Variants in SHISA9 observed in about 807,000 individuals in gnomAD.
The protein encoded by SHISA9 is shisa family member 9, also known as protein shisa-9.
Under a neutral mutation model 38.0 loss-of-function variants are expected in SHISA9, and 13 were observed. That is an observed-to-expected ratio of 0.34 (90% CI 0.22 to 0.54). SHISA9 has a LOEUF of 0.54. Among genes scored for constraint, SHISA9 ranks in the 20% least tolerant of loss-of-function variants. The pLI, the probability that SHISA9 is intolerant of heterozygous loss-of-function variation, is 0.91. For missense variants in SHISA9, 538 were observed against 575.8 expected, an observed-to-expected ratio of 0.93 and a Z score of 0.67; for synonymous variants, 275 against 242.0, an observed-to-expected ratio of 1.14 and a Z score of -1.27.
chr16:13,260,033 T>TTTTTTTTC, the SHISA9 span, among the ~76,000 whole-genome samples: 1 of 136,654 alleles, frequency 7.3e-6, no homozygotes, highest in African/African-American at 2.9e-5. Flanking sequence ...TTTTTTTTTT[T>TTTTTTTTC]TGAGACAGGG....
chr16:13,300,916 C>T, the SHISA9 span, among the ~76,000 whole-genome samples: 42,425 of 150,022 alleles, frequency 0.28, 6,887 homozygotes, highest in Admixed American at 0.43. Flanking sequence ...TCCTCTCCCA[C>T]CTCCTCCTTC....
chr16:13,140,333 CA>C (rs895845249), intron 2 of SHISA9, among the ~76,000 whole-genome samples: 30 of 151,900 alleles, frequency 2.0e-4, no homozygotes, highest in African/African-American at 6.8e-4. Context: ...CCCACCACCA[CA>C]ACCAGCTAAT....
the SHISA9 span, among the ~76,000 whole-genome samples, chr16:13,299,905 C>T: frequency 6.6e-6 from 1 of 152,076 alleles, no homozygotes; most frequent in African/African-American, 2.4e-5. Flanking sequence ...ACTGGTTGTA[C>T]ATACTCTATA....
intron 2 of SHISA9, among the ~76,000 whole-genome samples, chr16:12,944,109 T>A (rs2071659051): frequency 6.6e-6 from 1 of 152,134 alleles, no homozygotes; most frequent in South Asian, 2.1e-4. Context: ...ATGTCTCTAG[T>A]CATTGTTGAG....
chr16:13,221,809 T>C (rs908685850), intron 4 of SHISA9, among the ~76,000 whole-genome samples: 1 of 152,308 alleles, frequency 6.6e-6, no homozygotes. Context: ...TTAGCAGTCC[T>C]CTCCCAGCTA....
chr16:13,402,489 T>C, the SHISA9 span, among the ~76,000 whole-genome samples: 1 of 151,534 alleles, frequency 6.6e-6, no homozygotes, highest in Non-Finnish European at 1.5e-5. Context: ...TTGGATGATG[T>C]CACCTACATT....
the SHISA9 span, among the ~76,000 whole-genome samples, chr16:13,308,219 T>TG: frequency 6.7e-6 from 1 of 150,034 alleles, no homozygotes; most frequent in Admixed American, 6.6e-5. Flanking sequence ...GGAGCTTTTT[T>TG]TTTTTTATGT....
At chr16:13,272,089 AAAAG>A in the SHISA9 span, among the ~76,000 whole-genome samples, 41,570 of 150,570 alleles carry the variant, frequency 0.28, 6,576 homozygotes, top group Admixed American at 0.41. Flanking sequence ...AAAAAAAAAA[AAAAG>A]AGAGAGAGAA....
At chr16:13,168,592 G>A (rs1245473940) in intron 2 of SHISA9, among the ~76,000 whole-genome samples, 2 of 152,220 alleles carry the variant, frequency 1.3e-5, no homozygotes, top group East Asian at 1.9e-4. Flanking sequence ...GGAGAAGGGA[G>A]CCTGTTCAGG....
chr16:13,009,811 G>T (rs1163295111), intron 2 of SHISA9, among the ~76,000 whole-genome samples: 1 of 152,194 alleles, frequency 6.6e-6, no homozygotes, highest in African/African-American at 2.4e-5. Context: ...CCTGGAGGAG[G>T]CAATTCCCAG....
the SHISA9 span, among the ~76,000 whole-genome samples, chr16:13,450,085 C>A: frequency 2.0e-5 from 3 of 152,130 alleles, no homozygotes; most frequent in African/African-American, 4.8e-5. Flanking sequence ...CCCCTGCACT[C>A]CAACCTGAGT....
At chr16:12,949,723 ATTATC>A (rs1274689935) in intron 2 of SHISA9, among the ~76,000 whole-genome samples, 5 of 152,184 alleles carry the variant, frequency 3.3e-5, no homozygotes, top group Non-Finnish European at 7.4e-5. Flanking sequence ...TATTTTTTAT[ATTATC>A]TTTTTAATTG....
At chr16:13,321,049 T>C in the SHISA9 span, among the ~76,000 whole-genome samples, 170 of 152,362 alleles carry the variant, frequency 1.1e-3, 1 homozygote, top group Non-Finnish European at 1.9e-3. Flanking sequence ...TTTTTGACTT[T>C]ATCTAAATTT....
intron 2 of SHISA9, among the ~76,000 whole-genome samples, chr16:12,961,048 T>C (rs2071905048): frequency 6.7e-6 from 1 of 149,482 alleles, no homozygotes; most frequent in Non-Finnish European, 1.5e-5. Context: ...GAAAGGAGAG[T>C]GTGGAATGAG....
intron 2 of SHISA9, among the ~76,000 whole-genome samples, chr16:13,102,551 A>G (rs530826320): frequency 2.0e-5 from 3 of 152,272 alleles, no homozygotes; most frequent in Admixed American, 6.5e-5. Flanking sequence ...GTCCTAATGT[A>G]GCCTTCTTGG....
At chr16:13,390,969 A>G in the SHISA9 span, among the ~76,000 whole-genome samples, 2 of 152,214 alleles carry the variant, frequency 1.3e-5, no homozygotes, top group African/African-American at 4.8e-5. Flanking sequence ...CATTCCAACC[A>G]TGGCAATCTG....
the SHISA9 span, among the ~76,000 whole-genome samples, chr16:13,366,067 A>T: frequency 1.6e-4 from 25 of 152,292 alleles, no homozygotes; most frequent in East Asian, 4.8e-3. Flanking sequence ...ACGTGGTGTA[A>T]TACTGGTGCT....
At chr16:12,991,197 A>G (rs2072381768) in intron 2 of SHISA9, among the ~76,000 whole-genome samples, 1 of 151,844 alleles carries the variant, frequency 6.6e-6, no homozygotes, top group African/African-American at 2.4e-5. Flanking sequence ...CCCCTCACCC[A>G]TTTTTCTACT....
chr16:13,380,345 G>A, the SHISA9 span, among the ~76,000 whole-genome samples: 4 of 152,116 alleles, frequency 2.6e-5, no homozygotes, highest in Non-Finnish European at 5.9e-5. Context: ...TAAAAGAAGG[G>A]GGGAAAGAGA....
Sources: gnomAD v4.1 joint callset for allele counts (sites outside exome capture counted in the v4.1 genomes callset) on GRCh38, gnomAD v4.1.1 for gene constraint, MANE v1.5 for transcripts, NCBI Gene and HGNC (gene_info 2026-07-23, HGNC 2026-07-21) for gene names.